Variants in CNOT6L observed in about 807,000 individuals in gnomAD.
CNOT6L encodes CCR4-NOT transcription complex subunit 6 like, also known as CCR4-NOT transcription complex subunit 6-like.
A neutral mutation model predicts 64.0 loss-of-function variants in CNOT6L; 7 were observed. That is an observed-to-expected ratio of 0.11 (90% CI 0.06 to 0.21). The LOEUF (loss-of-function observed/expected upper bound fraction) is 0.21. Among genes scored for constraint, CNOT6L ranks in the 10% least tolerant of loss-of-function variants. The probability of loss-of-function intolerance (pLI) is 1.00; values close to 1 mark genes in which losing one functional copy is unlikely to be tolerated. For synonymous variants in CNOT6L, 193 were observed against 243.4 expected, an observed-to-expected ratio of 0.79 and a Z score of 1.93; for missense variants, 245 against 669.0, an observed-to-expected ratio of 0.37 and a Z score of 6.99.
At chr4:77,803,763 T>TG (rs1731890218) in intron 1 of CNOT6L, among the ~76,000 whole-genome samples, 1 of 151,650 alleles carries the variant, frequency 6.6e-6, no homozygotes, top group African/African-American at 2.4e-5. Context: ...ATTAGCCGGG[T>TG]GTGGTGGCAC....
At chr4:77,735,602 A>G (rs991002349) in intron 8 of CNOT6L, among the ~76,000 whole-genome samples, 2 of 152,108 alleles carry the variant, frequency 1.3e-5, no homozygotes, top group Non-Finnish European at 2.9e-5. Context: ...TGGCTTACCA[A>G]TCTCACCGTC....
chr4:77,734,911 A>C (rs1722789040), intron 8 of CNOT6L, among the ~76,000 whole-genome samples: 1 of 151,146 alleles, frequency 6.6e-6, no homozygotes, highest in Non-Finnish European at 1.5e-5. Flanking sequence ...CAGAATAATA[A>C]AAAAAAAATG....
At chr4:77,723,075 T>C (rs1237434559) in intron 11 of CNOT6L, among the ~76,000 whole-genome samples, 1 of 152,200 alleles carries the variant, frequency 6.6e-6, no homozygotes, top group Non-Finnish European at 1.5e-5. Context: ...TACTATTTGC[T>C]ATAAAATAAA....
chr4:77,807,276 C>CAA (rs58452605), intron 1 of CNOT6L, among the ~76,000 whole-genome samples: 1,196 of 108,148 alleles, frequency 0.011, 35 homozygotes, highest in Middle Eastern at 0.019. Context: ...GACTCCATCT[C>CAA]AAAAAAAAAA....
Position 77,776,253 on chromosome 4 carries a change from G to A in CNOT6L, c.127+18C>T, listed in dbSNP as rs1157729620. ...ATCACTATTACATTCCAGATTAAATGCTTCAGATTCCACTCACCCGAGATT... is the reference window on the plus strand; with the variant it reads ...ATCACTATTACATTCCAGATTAAATACTTCAGATTCCACTCACCCGAGATT... On this transcript the variant is annotated intron_variant, in intron 2 of 11. Coordinates refer to ENST00000504123, the MANE Select transcript of CNOT6L (RefSeq NM_144571.3). The A allele has an allele frequency of 3.7e-6, 6 of 1,606,134 alleles. No homozygotes were observed. The highest frequency in any genetic ancestry group is 5.1e-6 in the Non-Finnish European group (6 of 1,178,020).
chr4:77,818,627 A>G (rs1733842040), intron 1 of CNOT6L, among the ~76,000 whole-genome samples: 1 of 152,140 alleles, frequency 6.6e-6, no homozygotes, highest in African/African-American at 2.4e-5. Context: ...GGCCGGGCGA[A>G]GGCTTGCAGT....
At chr4:77,819,047 CCG>C in intron 1 of CNOT6L, 1 of 661,158 alleles carries the variant, frequency 1.5e-6, no homozygotes, top group South Asian at 1.6e-5. Flanking sequence ...CGGGCCACCC[CCG>C]ACACACACAC....
chr4:77,755,154 C>T (rs1421099227), intron 5 of CNOT6L, among the ~76,000 whole-genome samples: 1 of 150,360 alleles, frequency 6.7e-6, no homozygotes, highest in African/African-American at 2.4e-5. Context: ...TACAAGAACT[C>T]CTTACAAATG....
intron 5 of CNOT6L, among the ~76,000 whole-genome samples, chr4:77,750,513 A>G (rs1243314674): frequency 6.6e-6 from 1 of 151,936 alleles, no homozygotes; most frequent in African/African-American, 2.4e-5. Context: ...CACCACACCC[A>G]GCTAATTTTT....
At chr4:77,814,689 A>T (rs1560442804) in intron 1 of CNOT6L, among the ~76,000 whole-genome samples, 1 of 152,188 alleles carries the variant, frequency 6.6e-6, no homozygotes, top group Non-Finnish European at 1.5e-5. Context: ...TAACCAGACT[A>T]TTCCAAAATC....
chr4:77,744,648 G>T, intron 7 of CNOT6L, 70 bp downstream of exon 7: 1 of 1,313,596 alleles, frequency 7.6e-7, no homozygotes, highest in Non-Finnish European at 1.0e-6. Context: ...ATCTCTCCCA[G>T]TGGTCAGATC....
intron 1 of CNOT6L, among the ~76,000 whole-genome samples, chr4:77,778,940 G>C (rs1728485245): frequency 6.6e-6 from 1 of 151,086 alleles, no homozygotes; most frequent in African/African-American, 2.4e-5. Context: ...CCAGCTACTC[G>C]GGAGGCTGAG....
At chr4:77,812,425 G>A (rs1340388594) in intron 1 of CNOT6L, among the ~76,000 whole-genome samples, 1 of 148,660 alleles carries the variant, frequency 6.7e-6, no homozygotes, top group Non-Finnish European at 1.5e-5. Context: ...GCGACAGAGT[G>A]AGACTCCATC....
At chr4:77,740,088 C>G (rs566193562) in intron 8 of CNOT6L, among the ~76,000 whole-genome samples, 1 of 151,788 alleles carries the variant, frequency 6.6e-6, no homozygotes, top group South Asian at 2.1e-4. Flanking sequence ...TAACAAATAT[C>G]GTCAGGCACG....
In CNOT6L at chr4:77,799,533, C is replaced by T. The variant is rs561673242; in HGVS notation, c.5+19771G>A. Among the ~76,000 whole-genome samples, 22 of 151,984 alleles carry T rather than the reference C, an allele frequency of 1.4e-4. No individual in the cohort carries two copies. In the East Asian group the frequency reaches 2.1e-3, roughly 15 times the overall value. On this transcript the variant is annotated intron_variant, in intron 1 of 11. Transcript: ENST00000504123. ...TAGCCTGGCCAACATGGTGAAACCC[C>T]GTTTCTACTAAAAATACAAAAATTA...
chr4:77,802,806 GGC>G (rs1731744138), intron 1 of CNOT6L, among the ~76,000 whole-genome samples: 2 of 152,268 alleles, frequency 1.3e-5, no homozygotes, highest in Non-Finnish European at 1.5e-5. Flanking sequence ...GCTAGTAAGT[GGC>G]TAGACGGGAA....
intron 5 of CNOT6L, among the ~76,000 whole-genome samples, chr4:77,754,888 T>TAAAAAAAAAAAAAAAAAGA (rs1725297873): frequency 2.7e-5 from 1 of 36,956 alleles, no homozygotes; most frequent in African/African-American, 1.1e-4. Flanking sequence ...ACATTAGAAG[T>TAAAAAAAAAAAAAAAAAGA]AAAAAAAAAA....
intron 1 of CNOT6L, among the ~76,000 whole-genome samples, chr4:77,794,951 C>T (rs1730640665): frequency 6.8e-6 from 1 of 147,684 alleles, no homozygotes; most frequent in South Asian, 2.1e-4. Flanking sequence ...ATTAATATGT[C>T]CCCTGCAAAA....
intron 4 of CNOT6L, among the ~76,000 whole-genome samples, chr4:77,766,538 GGAAAA>G (rs1396248728): frequency 1.5e-5 from 2 of 136,728 alleles, no homozygotes; most frequent in South Asian, 2.4e-4. Context: ...TGTAAGAACT[GGAAAA>G]GAAAAAAAAA....
Sources: gnomAD v4.1 joint callset for allele counts (sites outside exome capture counted in the v4.1 genomes callset) on GRCh38, gnomAD v4.1.1 for gene constraint, MANE v1.5 for transcripts, NCBI Gene and HGNC (gene_info 2026-07-23, HGNC 2026-07-21) for gene names.